CA10: variants seen among roughly 807,000 people sequenced by gnomAD.
The protein encoded by CA10 is carbonic anhydrase 10 (inactive), also known as carbonic anhydrase-related protein 10.
A neutral mutation model predicts 44.2 loss-of-function variants in CA10; 14 were observed. The observed-to-expected ratio is 0.32, with a 90% CI of 0.21 to 0.50. The LOEUF (loss-of-function observed/expected upper bound fraction) is 0.50, where lower values mean the gene tolerates loss of function less well. Ranked by LOEUF, CA10 falls within the 20% of genes least tolerant of loss-of-function variation. CA10 has a pLI of 0.99. For missense variants in CA10, 350 were observed against 409.7 expected, an observed-to-expected ratio of 0.85 and a Z score of 1.26; for synonymous variants, 159 against 141.6, an observed-to-expected ratio of 1.12 and a Z score of -0.87.
intron 3 of CA10, among the ~76,000 whole-genome samples, chr17:51,834,624 G>A (rs1908407511): frequency 6.6e-6 from 1 of 152,204 alleles, no homozygotes; most frequent in African/African-American, 2.4e-5. Context: ...TTCCCCATGA[G>A]GAGCAGAAGC....
intron 2 of CA10, among the ~76,000 whole-genome samples, chr17:51,954,945 A>G (rs1447082981): frequency 1.3e-5 from 2 of 152,108 alleles, no homozygotes; most frequent in African/African-American, 2.4e-5. Flanking sequence ...GTAACAGATA[A>G]TGTATGCTTC....
intron 5 of CA10, among the ~76,000 whole-genome samples, chr17:51,651,092 G>A (rs900709004): frequency 2.6e-5 from 4 of 152,092 alleles, no homozygotes; most frequent in Admixed American, 1.3e-4. Context: ...GCTTTTCTAC[G>A]GCTCAGCTTT....
intron 3 of CA10, among the ~76,000 whole-genome samples, chr17:51,799,347 T>A (rs1906838985): frequency 1.3e-5 from 2 of 152,208 alleles, no homozygotes; most frequent in African/African-American, 4.8e-5. Flanking sequence ...TTGCTCATGT[T>A]TCTGTGGTTA....
At chr17:51,945,235 G>T (rs1403692845) in intron 2 of CA10, among the ~76,000 whole-genome samples, 4 of 152,072 alleles carry the variant, frequency 2.6e-5, no homozygotes, top group Non-Finnish European at 5.9e-5. Context: ...AACAAATGAG[G>T]GCTCAGCTGC....
intron 3 of CA10, among the ~76,000 whole-genome samples, chr17:51,875,545 C>A (rs538593384): frequency 6.6e-6 from 1 of 152,302 alleles, no homozygotes; most frequent in South Asian, 2.1e-4. Flanking sequence ...TTTCTGCAGT[C>A]ATTCTAATCT....
At chr17:51,808,260 A>AG (rs1907211337) in intron 3 of CA10, among the ~76,000 whole-genome samples, 2 of 149,282 alleles carry the variant, frequency 1.3e-5, no homozygotes. Context: ...AAGATTTTGT[A>AG]TTGCAATAAA....
intron 1 of CA10, among the ~76,000 whole-genome samples, chr17:52,073,883 A>C (rs1321224152): frequency 6.6e-6 from 1 of 152,234 alleles, no homozygotes; most frequent in African/African-American, 2.4e-5. Flanking sequence ...GGGAATTTGC[A>C]GCACCAGGGA....
At chr17:52,023,139 C>T (rs2144157625) in intron 2 of CA10, among the ~76,000 whole-genome samples, 1 of 152,050 alleles carries the variant, frequency 6.6e-6, no homozygotes, top group African/African-American at 2.4e-5. Context: ...TGAAAAGAGC[C>T]CAAATGGCTA....
intron 2 of CA10, among the ~76,000 whole-genome samples, chr17:51,979,940 G>A (rs1252938101): frequency 6.6e-6 from 1 of 152,108 alleles, no homozygotes; most frequent in Non-Finnish European, 1.5e-5. Flanking sequence ...CATTTAGATT[G>A]ATTCCAAGTC....
chr17:51,761,036 A>G (rs1050581825), intron 3 of CA10, among the ~76,000 whole-genome samples: 2 of 152,202 alleles, frequency 1.3e-5, no homozygotes, highest in Non-Finnish European at 2.9e-5. Context: ...CCATACTGGA[A>G]GTGCAGCCTG....
At chr17:52,110,379 G>C (rs1023351127) in intron 1 of CA10, among the ~76,000 whole-genome samples, 2 of 152,204 alleles carry the variant, frequency 1.3e-5, no homozygotes, top group Non-Finnish European at 2.9e-5. Context: ...ACTAACTGTA[G>C]GGCTTTGGGC....
rs115162807 is a variant in CA10 at position 52,031,454 on chromosome 17, C to T, written c.136+40865G>A. ...TGTGAGCCACTGTGCCTGGCTGTGA[C>T]TCCAACTCTCCAACGGGTAAAGCAC... On this transcript the variant is annotated intron_variant, in intron 2 of 8. Transcript: ENST00000451037. Among the ~76,000 whole-genome samples the T allele has an allele frequency of 9.2e-3, 1,397 of 152,142 alleles. 21 individuals are homozygous for T. The highest frequency in any genetic ancestry group is 0.032 in the African/African-American group (1,322 of 41,506).
intron 2 of CA10, among the ~76,000 whole-genome samples, chr17:52,003,942 A>C (rs941431280): frequency 1.3e-5 from 2 of 148,652 alleles, no homozygotes; most frequent in African/African-American, 5.0e-5. Flanking sequence ...ACTAAAACAA[A>C]AAAAAAAAAA....
At chr17:52,016,659 T>C (rs1237513624) in intron 2 of CA10, among the ~76,000 whole-genome samples, 3 of 152,106 alleles carry the variant, frequency 2.0e-5, no homozygotes, top group African/African-American at 4.8e-5. Flanking sequence ...AAACTTGTAA[T>C]CTCAGAACTT....
chr17:51,737,048 T>C (rs1245669024), intron 4 of CA10, among the ~76,000 whole-genome samples: 1 of 152,136 alleles, frequency 6.6e-6, no homozygotes, highest in Non-Finnish European at 1.5e-5. Context: ...CAGGCACTTA[T>C]GATTAGAAGA....
At chr17:51,649,075 A>T in intron 6 of CA10, 107 bp downstream of exon 6, 1 of 741,722 alleles carries the variant, frequency 1.3e-6, no homozygotes, top group Admixed American at 2.3e-5. Context: ...CTGCAGGATC[A>T]TGAAACTGAA....
At chr17:52,086,398 G>A (rs866647396) in intron 1 of CA10, among the ~76,000 whole-genome samples, 1 of 152,190 alleles carries the variant, frequency 6.6e-6, no homozygotes, top group South Asian at 2.1e-4. Flanking sequence ...TTCAAAGGCC[G>A]CTATGCTGTG....
At chr17:51,647,788 A>T (rs184946038) in intron 6 of CA10, among the ~76,000 whole-genome samples, 1 of 152,378 alleles carries the variant, frequency 6.6e-6, no homozygotes, top group Non-Finnish European at 1.5e-5. Flanking sequence ...TTTACACACA[A>T]GACAGAAATA....
intron 3 of CA10, among the ~76,000 whole-genome samples, chr17:51,915,289 A>G (rs1981949780): frequency 6.6e-6 from 1 of 152,192 alleles, no homozygotes; most frequent in Non-Finnish European, 1.5e-5. Flanking sequence ...TTTGTTCGTC[A>G]AAACAGATTT....
Sources: allele counts gnomAD v4.1 joint callset (sites outside exome capture counted in the v4.1 genomes callset), GRCh38; gene constraint gnomAD v4.1.1; transcripts MANE v1.5; gene names NCBI Gene and HGNC (gene_info 2026-07-23, HGNC 2026-07-21).